UST: variants seen among roughly 807,000 people sequenced by gnomAD.
UST encodes the protein chondroitin sulfate 2-O-sulfotransferase.
A neutral mutation model predicts 45.6 loss-of-function variants in UST; 21 were observed. The ratio of observed to expected loss-of-function variants is 0.46; its 90% CI spans 0.33 to 0.66. The LOEUF (loss-of-function observed/expected upper bound fraction) is 0.66, where lower values mean the gene tolerates loss of function less well. Among genes scored for constraint, UST ranks in the 30% least tolerant of loss-of-function variants. The pLI is 0.02. For synonymous variants in UST, 215 were observed against 200.6 expected (o/e 1.07, Z -0.61); for missense variants, 463 against 512.4 (o/e 0.90, Z 0.93).
intron 7 of UST, among the ~76,000 whole-genome samples, chr6:149,053,895 T>C (rs1182078035): frequency 1.3e-5 from 2 of 152,194 alleles, no homozygotes; most frequent in Admixed American, 1.3e-4. Flanking sequence ...CTTAGAAACA[T>C]TGGCACAAGT....
chr6:149,024,815 C>A (rs1178294111), intron 7 of UST, among the ~76,000 whole-genome samples: 1 of 152,022 alleles, frequency 6.6e-6, no homozygotes, highest in African/African-American at 2.4e-5. Flanking sequence ...AAGCTAAAAT[C>A]TAAGATACTG....
chr6:148,910,102 A>G (rs1779443525), intron 2 of UST, among the ~76,000 whole-genome samples: 1 of 143,732 alleles, frequency 7.0e-6, no homozygotes, highest in South Asian at 2.3e-4. Context: ...ATCAAAATAG[A>G]TTATTTAAAT....
At chr6:148,922,945 A>G (rs1268640202) in intron 2 of UST, among the ~76,000 whole-genome samples, 1 of 152,038 alleles carries the variant, frequency 6.6e-6, no homozygotes, top group Non-Finnish European at 1.5e-5. Context: ...GGCATGCCCC[A>G]TGACACCTGG....
intron 1 of UST, among the ~76,000 whole-genome samples, chr6:148,842,815 A>G (rs767935239): frequency 2.6e-5 from 4 of 152,228 alleles, no homozygotes; most frequent in Non-Finnish European, 4.4e-5. Flanking sequence ...GAGGTTTCTT[A>G]TAACAGGCCT....
At chr6:148,826,925 T>C (rs72999179) in intron 1 of UST, among the ~76,000 whole-genome samples, 1,597 of 152,302 alleles carry the variant, frequency 0.01, 20 homozygotes, top group Admixed American at 0.021. Flanking sequence ...CCTGACTTTC[T>C]GTTCTGCCTC....
At chr6:149,043,659 G>C (rs905140665) in intron 7 of UST, among the ~76,000 whole-genome samples, 1 of 152,266 alleles carries the variant, frequency 6.6e-6, no homozygotes, top group African/African-American at 2.4e-5. Context: ...ACTGGCTGCT[G>C]TCAGTCGGGA....
intron 2 of UST, among the ~76,000 whole-genome samples, chr6:148,912,103 A>T (rs548279609): frequency 2.0e-5 from 3 of 152,362 alleles, no homozygotes; most frequent in African/African-American, 7.2e-5. Context: ...AGGCCGAGGC[A>T]GGAGAATCGT....
intron 1 of UST, among the ~76,000 whole-genome samples, chr6:148,767,213 C>T (rs1449851630): frequency 6.6e-6 from 1 of 152,234 alleles, no homozygotes; most frequent in Non-Finnish European, 1.5e-5. Context: ...CATTAAAGAT[C>T]TGTGCTATTA....
At chr6:148,822,023 CT>C (rs773441799) in intron 1 of UST, among the ~76,000 whole-genome samples, 2 of 152,152 alleles carry the variant, frequency 1.3e-5, no homozygotes, top group Non-Finnish European at 2.9e-5. Context: ...TCAGACTCAC[CT>C]TTTATGTTCC....
intron 2 of UST, among the ~76,000 whole-genome samples, chr6:148,937,611 C>T (rs760335328): frequency 1.3e-5 from 2 of 152,140 alleles, no homozygotes; most frequent in Admixed American, 6.5e-5. Context: ...AGTGATTTCA[C>T]CTAAGTTTTC....
At chr6:149,014,631 A>G (rs1249768994) in intron 5 of UST, among the ~76,000 whole-genome samples, 1 of 152,150 alleles carries the variant, frequency 6.6e-6, no homozygotes, top group African/African-American at 2.4e-5. Context: ...GCCCAGGTGG[A>G]CTGGAGTATG....
intron 3 of UST, among the ~76,000 whole-genome samples, chr6:148,948,389 C>G (rs978722613): frequency 4.6e-5 from 7 of 152,144 alleles, no homozygotes; most frequent in Non-Finnish European, 1.0e-4. Flanking sequence ...AAATATTTGC[C>G]AAGAAGTCAG....
At chr6:148,921,344 A>G (rs1779701778) in intron 2 of UST, among the ~76,000 whole-genome samples, 1 of 152,226 alleles carries the variant, frequency 6.6e-6, no homozygotes, top group Non-Finnish European at 1.5e-5. Flanking sequence ...CAACAAGTGA[A>G]CAGGAGAATC....
chr6:148,843,630 A>G (rs910790974), intron 1 of UST, among the ~76,000 whole-genome samples: 2 of 152,238 alleles, frequency 1.3e-5, no homozygotes, highest in Admixed American at 6.5e-5. Flanking sequence ...TAATTTGCAG[A>G]AGCCACTGGA....
At chr6:148,829,140 GGGATGGATGGATGGATGGATGGAT>G (rs61564934) in intron 1 of UST, among the ~76,000 whole-genome samples, 7 of 149,252 alleles carry the variant, frequency 4.7e-5, no homozygotes, top group South Asian at 4.4e-4. Context: ...GTTAAGCCCT[GGGATGGATGGATGGATGGATGGAT>G]GGATGGATGG....
chr6:149,013,482 C>T lies in UST; in HGVS notation c.682-5657C>T, dbSNP rs571843030. Among the ~76,000 whole-genome samples, 6 of 151,688 alleles carry T rather than the reference C, an allele frequency of 4.0e-5. No individual in the cohort carries two copies. The South Asian group carries it at 6.3e-4, about 16-fold the overall frequency. ...CAGAGGCTGCAGTGAGCCAAAATTG[C>T]GTCATTGCACTCCAGCCTGGGCAAC... On this transcript the variant is annotated intron_variant, in intron 5 of 7. Transcript: ENST00000367463.
At position 148,934,296 on chromosome 6, in the gene UST, T is replaced by C. The variant is rs1582907208; in HGVS notation, c.292-6983T>C. Among the ~76,000 whole-genome samples, 1 of 152,342 alleles carries C rather than the reference T, an allele frequency of 6.6e-6. No homozygotes were observed. The highest frequency in any genetic ancestry group is 2.4e-5 in the African/African-American group (1 of 41,588). ...CCTGAATTCAGGCCTTGCACAGCCCTGGCTGTGACTCTTTCAAGTGTTAGT... is the reference window on the plus strand; with the variant it reads ...CCTGAATTCAGGCCTTGCACAGCCCCGGCTGTGACTCTTTCAAGTGTTAGT... On this transcript the variant is annotated intron_variant, in intron 2 of 7. Coordinates refer to ENST00000367463, the MANE Select transcript of UST (RefSeq NM_005715.3). This position sits in a 1 kb window ranked among gnomAD's most constrained non-coding sequence, Gnocchi z 4.1.
intron 5 of UST, among the ~76,000 whole-genome samples, chr6:148,972,076 G>A (rs1780929095): frequency 6.6e-6 from 1 of 152,236 alleles, no homozygotes; most frequent in East Asian, 1.9e-4. Context: ...TGTGCTTCCA[G>A]TTGCTTGCCG....
intron 1 of UST, among the ~76,000 whole-genome samples, chr6:148,781,837 A>G (rs1776649604): frequency 6.6e-6 from 1 of 152,198 alleles, no homozygotes; most frequent in Non-Finnish European, 1.5e-5. Context: ...CTGTGACAGC[A>G]TATCTGTTTA....
Sources: gnomAD v4.1 joint callset for allele counts (sites outside exome capture counted in the v4.1 genomes callset) on GRCh38, gnomAD v4.1.1 for gene constraint, Gnocchi (gnomAD v3.1) non-coding constraint, MANE v1.5 for transcripts, NCBI Gene and HGNC (gene_info 2026-07-23, HGNC 2026-07-21) for gene names.